Variants in OR2AT4 observed in about 807,000 individuals in gnomAD.
OR2AT4 encodes the protein olfactory receptor 2AT4.
OR2AT4 carries 6 observed loss-of-function variants against 10.3 expected under a neutral mutation model. The observed-to-expected ratio is 0.58, with a 90% CI of 0.32 to 1.15. The LOEUF is 1.15. Among genes scored for constraint, OR2AT4 ranks in the 50% most tolerant of loss-of-function variants. OR2AT4 has a pLI of 0.05. For missense variants in OR2AT4, 354 were observed against 393.8 expected (o/e 0.90, Z 0.85); for synonymous variants, 145 against 159.1 (o/e 0.91, Z 0.67).
At chr11:75,088,720 T>G in exon 2 of OR2AT4, 1 of 1,525,894 alleles carries the variant, frequency 6.6e-7, no homozygotes, top group Non-Finnish European at 8.8e-7. Context: ...TTATTTGGTG[T>G]CCTGGAAGCA....
chr11:75,095,471 G>A (rs962687184), intron 1 of OR2AT4, among the ~76,000 whole-genome samples: 3 of 152,024 alleles, frequency 2.0e-5, no homozygotes, highest in African/African-American at 7.2e-5. Context: ...ATTACACCAG[G>A]TTGTCTCTGT....
At chr11:75,087,369 C>T (rs1050569939) in exon 2 of OR2AT4, 10 of 152,152 alleles carry the variant, frequency 6.6e-5, no homozygotes, top group Admixed American at 1.3e-4. Flanking sequence ...TTTGGTTATA[C>T]GAACATATAA....
intron 1 of OR2AT4, among the ~76,000 whole-genome samples, chr11:75,094,102 C>A (rs760381204): frequency 6.6e-6 from 1 of 151,980 alleles, no homozygotes; most frequent in Non-Finnish European, 1.5e-5. Flanking sequence ...GGATTACAGG[C>A]GTGAACCACC....
chr11:75,093,148 C>A (rs1949327814), intron 1 of OR2AT4, among the ~76,000 whole-genome samples: 1 of 152,142 alleles, frequency 6.6e-6, no homozygotes, highest in Admixed American at 6.5e-5. Context: ...AAAGGAATGG[C>A]AAAAGATGCC....
exon 2 of OR2AT4, chr11:75,088,922 G>A (rs778561210): frequency 2.0e-5 from 33 of 1,614,014 alleles, no homozygotes; most frequent in African/African-American, 5.3e-5. Flanking sequence ...TGTAGGCCAC[G>A]TAGGCTATGG....
exon 2 of OR2AT4, chr11:75,084,472 T>G (rs548750607): frequency 1.4e-4 from 21 of 152,294 alleles, no homozygotes; most frequent in African/African-American, 4.6e-4. Context: ...TCAGTTAAGA[T>G]ATAGAAGGTC....
At position 75,089,172 on chromosome 11, in the gene OR2AT4, T is replaced by G. The variant is rs1212092425; in HGVS notation, c.542A>C (p.His181Pro). 2.5e-6 allele frequency: 4 copies of G among 1,613,750 alleles called. No individual in the cohort carries two copies. In the Admixed American group the frequency reaches 6.7e-5, roughly 27 times the overall value. Residue 181 changes from histidine (H) to proline (P), a missense_variant, in exon 2 of 2, where the codon CAC becomes CCC. Coordinates refer to ENST00000641504, the Ensembl canonical transcript of OR2AT4. Reference sequence around the variant, plus strand: ...CACAGCCAGATGATCACAGAAGCAGTGGTAGATGTAGGCAATGCTGTTATA... The same window carrying G: ...CACAGCCAGATGATCACAGAAGCAGGGGTAGATGTAGGCAATGCTGTTATA...
At chr11:75,089,042 G>A in exon 2 of OR2AT4, 1 of 1,614,134 alleles carries the variant, frequency 6.2e-7, no homozygotes, top group Non-Finnish European at 8.5e-7. Flanking sequence ...CCAGGATGTG[G>A]ACATAGGAGA....
chr11:75,094,050 T>C (rs766627690), intron 1 of OR2AT4, among the ~76,000 whole-genome samples: 5 of 152,076 alleles, frequency 3.3e-5, no homozygotes, highest in Non-Finnish European at 7.4e-5. Context: ...CTCGAACTCC[T>C]GACCTCAAGT....
chr11:75,084,853 G>A (rs984937989), exon 2 of OR2AT4: 3 of 152,120 alleles, frequency 2.0e-5, no homozygotes, highest in African/African-American at 7.2e-5. Context: ...AAATAAAAAT[G>A]CAACATATTA....
exon 2 of OR2AT4, chr11:75,082,593 A>G (rs1020453131): frequency 6.6e-6 from 1 of 152,222 alleles, no homozygotes; most frequent in Admixed American, 6.5e-5. Context: ...ATCTCAAAGT[A>G]TAAGAATCCT....
In OR2AT4 at chr11:75,083,196, T is replaced by A. The variant is rs543310388; in HGVS notation, c.*5555A>T. 6.3e-4 allele frequency: 96 copies of A among 152,268 alleles called. 1 individual carries two copies. Among genetic ancestry groups the A allele is most frequent in the African/African-American group, 2.2e-3 (91 of 41,556 alleles). The allele number at this position is 152,268 out of a possible 1,614,324, so 9.4% of individuals were successfully genotyped here. ...ATTCAGAATCTATAAGGAACTTAAT[T>A]CAATAAGCAAAAACCAAATAATACC... On this transcript the variant is annotated 3_prime_UTR_variant, in exon 2 of 2. Coordinates refer to ENST00000641504, the Ensembl canonical transcript of OR2AT4.
intron 1 of OR2AT4, among the ~76,000 whole-genome samples, chr11:75,093,804 CTTTTTCTTTTTTTTTTTTT>C (rs1220766105): frequency 1.1e-5 from 1 of 88,352 alleles, no homozygotes; most frequent in African/African-American, 4.2e-5. Flanking sequence ...TTTTCTTTTT[CTTTTTCTTTTTTTTTTTTT>C]TTTTTTTTTT....
chr11:75,091,992 C>T (rs1015748949), intron 1 of OR2AT4, among the ~76,000 whole-genome samples: 2 of 152,146 alleles, frequency 1.3e-5, no homozygotes, highest in Non-Finnish European at 2.9e-5. Flanking sequence ...ATTTTCAATA[C>T]ATTTATCAAA....
chr11:75,089,443 A>C (rs1949310511), exon 2 of OR2AT4: 1 of 1,614,050 alleles, frequency 6.2e-7, no homozygotes, highest in Non-Finnish European at 8.5e-7. Context: ...TCCCCAAGCA[A>C]GAATAAGGAC....
exon 2 of OR2AT4, chr11:75,087,722 T>G (rs7117575): frequency 6.6e-5 from 10 of 152,204 alleles, no homozygotes; most frequent in Non-Finnish European, 1.3e-4. Context: ...GTAATTTTCT[T>G]TGTGGTCATG....
chr11:75,090,740 G>C (rs907007067), intron 1 of OR2AT4, among the ~76,000 whole-genome samples: 2 of 152,196 alleles, frequency 1.3e-5, no homozygotes, highest in Non-Finnish European at 2.9e-5. Context: ...TCTGAATTCT[G>C]GCTATGCAAG....
intron 1 of OR2AT4, among the ~76,000 whole-genome samples, chr11:75,092,183 T>C (rs78649166): frequency 0.059 from 8,932 of 152,230 alleles, 371 homozygotes; most frequent in African/African-American, 0.11. Context: ...AGGATGTTAA[T>C]AATACATACT....
chr11:75,088,966 G>A, exon 2 of OR2AT4: 2 of 1,614,232 alleles, frequency 1.2e-6, no homozygotes, highest in Non-Finnish European at 1.7e-6. Context: ...ACGACCAGAA[G>A]GTGGGAGCTG....
Sources: gnomAD v4.1 joint callset for allele counts (sites outside exome capture counted in the v4.1 genomes callset) on GRCh38, gnomAD v4.1.1 for gene constraint, MANE v1.5 for transcripts, NCBI Gene and HGNC (gene_info 2026-07-23, HGNC 2026-07-21) for gene names.